The following CEP85L variants were observed in gnomAD, a reference collection of about 807,000 sequenced individuals.
CEP85L encodes the protein centrosomal protein of 85 kDa-like.
CEP85L carries 60 observed loss-of-function variants against 100.3 expected under a neutral mutation model. That is an observed-to-expected ratio of 0.60 (90% CI 0.49 to 0.74). The LOEUF (loss-of-function observed/expected upper bound fraction) is 0.74. Among genes scored for constraint, CEP85L ranks in the 30% least tolerant of loss-of-function variants. The pLI, the probability that CEP85L is intolerant of heterozygous loss-of-function variation, is 0.00. For synonymous variants in CEP85L, 319 were observed against 322.7 expected (o/e 0.99, Z 0.12); for missense variants, 973 against 936.2 (o/e 1.04, Z -0.51).
At chr6:118,702,507 A>G (rs1304499122) in intron 1 of CEP85L, among the ~76,000 whole-genome samples, 1 of 152,200 alleles carries the variant, frequency 6.6e-6, no homozygotes, top group African/African-American at 2.4e-5. Flanking sequence ...GGGAGACCCC[A>G]TCTCAAAAAG....
intron 10 of CEP85L, among the ~76,000 whole-genome samples, chr6:118,471,974 A>C (rs1285181308): frequency 6.6e-6 from 1 of 151,868 alleles, no homozygotes; most frequent in Non-Finnish European, 1.5e-5. Context: ...AAATTTTCTC[A>C]AGATTTGTGA....
chr6:118,471,393 A>G (rs2114439361), intron 10 of CEP85L, among the ~76,000 whole-genome samples: 1 of 152,150 alleles, frequency 6.6e-6, no homozygotes, highest in Admixed American at 6.5e-5. Context: ...TAGACCACAA[A>G]ATCAATAAAC....
chr6:118,502,610 C>T, intron 5 of CEP85L: 2 of 480,498 alleles, frequency 4.2e-6, no homozygotes, highest in South Asian at 2.1e-5. Flanking sequence ...CTTGAAGAAG[C>T]TGAAGTATTC....
chr6:118,499,519 C>T (rs1413842950), intron 5 of CEP85L, among the ~76,000 whole-genome samples: 1 of 152,020 alleles, frequency 6.6e-6, no homozygotes, highest in Non-Finnish European at 1.5e-5. Context: ...CAAAAATTAG[C>T]CAGGCATGGT....
At chr6:118,474,707 T>G (rs2114471869) in intron 10 of CEP85L, among the ~76,000 whole-genome samples, 1 of 152,312 alleles carries the variant, frequency 6.6e-6, no homozygotes, top group East Asian at 1.9e-4. Flanking sequence ...TTAAGAGATT[T>G]TGCCTGAGGA....
At chr6:118,562,080 A>G (rs1208656917) in intron 3 of CEP85L, among the ~76,000 whole-genome samples, 1 of 152,224 alleles carries the variant, frequency 6.6e-6, no homozygotes. Context: ...TTTATTCATT[A>G]AAACAGGTAT....
In CEP85L at chr6:118,518,177, T is replaced by A. The variant is rs999704377; in HGVS notation, c.1139+5625A>T. On this transcript the variant is annotated intron_variant, in intron 4 of 12. Coordinates refer to ENST00000368491, the MANE Select transcript of CEP85L (RefSeq NM_001042475.3). The stretch of plus-strand genomic sequence containing the variant: ...TTGCATCGATGTTCATCAGCAATAT[T>A]GGCCTGAAATTTTCTTTTTTTGTTG... Among the ~76,000 whole-genome samples, 5 of 152,210 alleles carry A rather than the reference T, an allele frequency of 3.3e-5. No individual in the cohort carries two copies. The East Asian group carries it at 9.6e-4, about 29-fold the overall frequency.
chr6:118,535,878 TTTAA>T (rs1777560955), intron 3 of CEP85L, among the ~76,000 whole-genome samples: 1 of 152,092 alleles, frequency 6.6e-6, no homozygotes, highest in Non-Finnish European at 1.5e-5. Context: ...ATCTTATAGA[TTTAA>T]TTTATTAAAG....
At chr6:118,587,964 G>T (rs1178482776) in intron 2 of CEP85L, among the ~76,000 whole-genome samples, 3 of 152,154 alleles carry the variant, frequency 2.0e-5, no homozygotes. Flanking sequence ...TCAAGGAACA[G>T]GGCTACATTT....
intron 3 of CEP85L, chr6:118,559,188 A>C: frequency 1.2e-6 from 1 of 855,434 alleles, no homozygotes; most frequent in Non-Finnish European, 2.0e-6. Context: ...CCTGAGTAGA[A>C]GAGTTTCTTT....
intron 2 of CEP85L, among the ~76,000 whole-genome samples, chr6:118,571,979 C>CCTGAGT (rs1779915184): frequency 2.0e-5 from 3 of 152,044 alleles, no homozygotes; most frequent in African/African-American, 7.2e-5. Flanking sequence ...GCCTCAGCCT[C>CCTGAGT]CTGAGTAGCT....
chr6:118,704,676 G>T (rs1331716709), intron 1 of CEP85L, among the ~76,000 whole-genome samples: 1 of 152,050 alleles, frequency 6.6e-6, no homozygotes, highest in African/African-American at 2.4e-5. Context: ...TCACCACGTT[G>T]GCCAGGCTGG....
chr6:118,468,129 TATGAA>T, intron 12 of CEP85L, among the ~76,000 whole-genome samples: 1 of 152,224 alleles, frequency 6.6e-6, no homozygotes, highest in East Asian at 1.9e-4. Flanking sequence ...TACAAATGTC[TATGAA>T]ATGAAAGGGA....
At chr6:118,589,264 C>T in intron 2 of CEP85L, 2 of 227,958 alleles carry the variant, frequency 8.8e-6, no homozygotes, top group Non-Finnish European at 9.9e-6. Context: ...GTCTCTAGGC[C>T]ACCCTCCCAA....
At chr6:118,681,748 C>CTTTTTTTT (rs199966143) in intron 1 of CEP85L, among the ~76,000 whole-genome samples, 1 of 124,756 alleles carries the variant, frequency 8.0e-6, no homozygotes, top group Admixed American at 8.1e-5. Flanking sequence ...ATAATTATTT[C>CTTTTTTTT]TTTTTTTTTT....
chr6:118,533,489 C>A (rs1777405613), intron 3 of CEP85L, among the ~76,000 whole-genome samples: 1 of 151,606 alleles, frequency 6.6e-6, no homozygotes, highest in Non-Finnish European at 1.5e-5. Flanking sequence ...CCAAAAAAAT[C>A]TCTAGGTCCA....
intron 11 of CEP85L, 104 bp downstream of exon 11, chr6:118,470,433 T>G (rs1772863587): frequency 1.8e-6 from 1 of 546,662 alleles, no homozygotes; most frequent in East Asian, 3.2e-5. Context: ...AACAGGCATA[T>G]CAAAATCATG....
intron 4 of CEP85L, among the ~76,000 whole-genome samples, chr6:118,519,585 G>C (rs1489291492): frequency 1.0e-4 from 1 of 10,002 alleles, no homozygotes; most frequent in Non-Finnish European, 3.4e-4. Flanking sequence ...TGTGTGTGGC[G>C]GGGGGGGGGT....
At chr6:118,624,111 TCTC>T (rs1773628067) in intron 2 of CEP85L, among the ~76,000 whole-genome samples, 1 of 152,066 alleles carries the variant, frequency 6.6e-6, no homozygotes, top group South Asian at 2.1e-4. Flanking sequence ...AGGCCCTGCT[TCTC>T]CTATTTCGGA....
Sources: allele counts gnomAD v4.1 joint callset (sites outside exome capture counted in the v4.1 genomes callset), GRCh38; gene constraint gnomAD v4.1.1; transcripts MANE v1.5; gene names NCBI Gene and HGNC (gene_info 2026-07-23, HGNC 2026-07-21).